Variants in RALYL observed in about 807,000 individuals in gnomAD.
RALYL encodes the protein RNA-binding Raly-like protein.
A neutral mutation model predicts 35.1 loss-of-function variants in RALYL; 29 were observed. The ratio of observed to expected loss-of-function variants is 0.83; its 90% CI spans 0.61 to 1.13. The LOEUF (loss-of-function observed/expected upper bound fraction) is 1.13. RALYL is among the 50% of genes most tolerant of loss of function. The pLI is 0.00. For missense variants in RALYL, 359 were observed against 360.4 expected (o/e 1.00, Z 0.03); for synonymous variants, 120 against 127.6 (o/e 0.94, Z 0.40).
intron 2 of RALYL, among the ~76,000 whole-genome samples, chr8:84,596,740 C>T (rs1564206041): frequency 6.6e-6 from 1 of 152,138 alleles, no homozygotes; most frequent in Non-Finnish European, 1.5e-5. Flanking sequence ...CTGGATAATT[C>T]TGAATCAGCT....
chr8:84,591,419 AG>A (rs1813239938), intron 2 of RALYL, among the ~76,000 whole-genome samples: 1 of 152,214 alleles, frequency 6.6e-6, no homozygotes, highest in Non-Finnish European at 1.5e-5. Flanking sequence ...ACCAGATCTC[AG>A]GGGTAAGATG....
At chr8:84,414,950 CT>C in intron 1 of RALYL, among the ~76,000 whole-genome samples, 1 of 152,232 alleles carries the variant, frequency 6.6e-6, no homozygotes, top group East Asian at 1.9e-4. Context: ...ACTTCTACCA[CT>C]GGCAGCTCTA....
intron 1 of RALYL, among the ~76,000 whole-genome samples, chr8:84,512,288 T>C (rs1289955641): frequency 6.6e-6 from 1 of 151,842 alleles, no homozygotes; most frequent in Non-Finnish European, 1.5e-5. Context: ...GATTATGATT[T>C]GCATTTTCTT....
At chr8:84,273,312 A>T (rs1410304993) in intron 1 of RALYL, among the ~76,000 whole-genome samples, 1 of 152,220 alleles carries the variant, frequency 6.6e-6, no homozygotes, top group Non-Finnish European at 1.5e-5. Context: ...GGCAGGCCTC[A>T]GGTCCTCTCT....
chr8:84,601,629 A>T (rs1008026721), intron 2 of RALYL, among the ~76,000 whole-genome samples: 2 of 152,030 alleles, frequency 1.3e-5, no homozygotes, highest in African/African-American at 4.8e-5. Context: ...TGAGAAAAAA[A>T]AAAAAGAGAA....
intron 2 of RALYL, among the ~76,000 whole-genome samples, chr8:84,551,179 G>C (rs765345225): frequency 3.3e-5 from 5 of 151,534 alleles, no homozygotes; most frequent in Admixed American, 2.6e-4. Flanking sequence ...ATTTCTACTA[G>C]ATAAAGGCTA....
chr8:84,649,978 C>A lies in RALYL; in HGVS notation c.256+120401C>A, dbSNP rs549261743. On this transcript the variant is annotated intron_variant, in intron 2 of 8. Coordinates refer to ENST00000521268, the MANE Select transcript of RALYL (RefSeq NM_173848.7). ...TCATTGAGCAGTGCTTTGTAGTTCT[C>A]CTTGAAGAGGTCCTTCACATCCCTT... Among the ~76,000 whole-genome samples the A allele has an allele frequency of 6.4e-3, 978 of 152,150 alleles. 7 individuals carry two copies. Among genetic ancestry groups the A allele is most frequent in the Non-Finnish European group, 8.3e-3 (564 of 68,002 alleles).
intron 1 of RALYL, among the ~76,000 whole-genome samples, chr8:84,342,498 T>C (rs1849051243): frequency 6.6e-6 from 1 of 151,156 alleles, no homozygotes; most frequent in African/African-American, 2.4e-5. Flanking sequence ...CTTTGGTGCT[T>C]GAAGAAGCGA....
intron 4 of RALYL, among the ~76,000 whole-genome samples, chr8:84,824,618 A>G (rs1391714488): frequency 6.6e-6 from 1 of 152,200 alleles, no homozygotes; most frequent in South Asian, 2.1e-4. Flanking sequence ...TAACTACACT[A>G]TAAGGCTACA....
chr8:84,890,264 G>A (rs1441314159), intron 8 of RALYL, among the ~76,000 whole-genome samples: 1 of 152,148 alleles, frequency 6.6e-6, no homozygotes, highest in African/African-American at 2.4e-5. Flanking sequence ...TCCACTGCAA[G>A]TGACTGTGAT....
At chr8:84,850,772 T>G (rs1462029947) in intron 5 of RALYL, among the ~76,000 whole-genome samples, 1 of 152,248 alleles carries the variant, frequency 6.6e-6, no homozygotes, top group African/African-American at 2.4e-5. Flanking sequence ...GTTTTATCCC[T>G]TGTTGGATAC....
chr8:84,214,241 A>G (rs554002971), intron 1 of RALYL, among the ~76,000 whole-genome samples: 1 of 152,260 alleles, frequency 6.6e-6, no homozygotes, highest in South Asian at 2.1e-4. Flanking sequence ...ATGAAAATTG[A>G]TAAGTTGCAT....
intron 2 of RALYL, among the ~76,000 whole-genome samples, chr8:84,710,800 A>G (rs949367281): frequency 1.1e-4 from 16 of 152,148 alleles, no homozygotes; most frequent in Admixed American, 9.2e-4. Flanking sequence ...CGACTTAAAT[A>G]TATATTTTTG....
intron 8 of RALYL, chr8:84,907,125 A>G (rs535850279): frequency 8.9e-4 from 208 of 234,324 alleles, no homozygotes; most frequent in Admixed American, 1.3e-3. Context: ...TAATAATATT[A>G]AGTAACATTT....
At chr8:84,715,338 T>A (rs1301576669) in intron 2 of RALYL, among the ~76,000 whole-genome samples, 1 of 151,900 alleles carries the variant, frequency 6.6e-6, no homozygotes, top group Non-Finnish European at 1.5e-5. Context: ...TCATTTTTAT[T>A]ATAATTTCAA....
intron 1 of RALYL, among the ~76,000 whole-genome samples, chr8:84,383,124 C>T (rs72679311): frequency 2.6e-5 from 4 of 151,922 alleles, no homozygotes; most frequent in Admixed American, 6.6e-5. Flanking sequence ...ACTCACATCA[C>T]TTATTCATGC....
At chr8:84,382,529 G>C (rs958528476) in intron 1 of RALYL, among the ~76,000 whole-genome samples, 5 of 151,630 alleles carry the variant, frequency 3.3e-5, no homozygotes, top group Non-Finnish European at 5.9e-5. Flanking sequence ...TATTCTGTTA[G>C]TGAATAACCA....
intron 2 of RALYL, among the ~76,000 whole-genome samples, chr8:84,597,028 G>A (rs976536432): frequency 2.0e-5 from 3 of 152,138 alleles, no homozygotes; most frequent in African/African-American, 4.8e-5. Flanking sequence ...CAGAATATAT[G>A]CTTTAATAGG....
At chr8:84,608,558 C>T (rs542085032) in intron 2 of RALYL, among the ~76,000 whole-genome samples, 62 of 152,238 alleles carry the variant, frequency 4.1e-4, no homozygotes, top group African/African-American at 1.4e-3. Flanking sequence ...TTTGCCCTTC[C>T]CCAGGGCTGC....
Sources: gnomAD v4.1 joint callset for allele counts (sites outside exome capture counted in the v4.1 genomes callset) on GRCh38, gnomAD v4.1.1 for gene constraint, MANE v1.5 for transcripts, NCBI Gene and HGNC (gene_info 2026-07-23, HGNC 2026-07-21) for gene names.